The following S100P variants were observed in gnomAD, a reference collection of about 807,000 sequenced individuals.
S100P encodes the protein protein S100-P.
A neutral mutation model predicts 4.7 loss-of-function variants in S100P; 7 were observed. The observed-to-expected ratio is 1.48, with a 90% CI of 0.84 to 2.77. S100P has a LOEUF of 2.77. Ranked by LOEUF, S100P falls within the 30% of genes most tolerant of loss-of-function variation. S100P has a pLI of 0.00. For synonymous variants in S100P, 48 were observed against 49.0 expected (o/e 0.98, Z 0.08); for missense variants, 122 against 120.6 (o/e 1.01, Z -0.06).
At chr4:6,694,821 G>A (rs1405327048) in intron 1 of S100P, among the ~76,000 whole-genome samples, 2 of 151,076 alleles carry the variant, frequency 1.3e-5, no homozygotes, top group Admixed American at 6.6e-5. Flanking sequence ...CCTCCCCTTC[G>A]GGCCCCACCA....
At chr4:6,696,039 T>G (rs3822262) in intron 1 of S100P, among the ~76,000 whole-genome samples, 40,109 of 152,188 alleles carry the variant, frequency 0.26, 5,822 homozygotes, top group East Asian at 0.65. Flanking sequence ...AAGGTCTTCA[T>G]GCACACAGTT....
In S100P at chr4:6,696,879, T is replaced by G. The variant is rs757583212; in HGVS notation, c.139-14T>G. ...GCACCCTCACTGCTGACCTTGAGCCTCTCTCTCCTCTAGAGTGGAAAAGAC... is the reference window on the plus strand; with the variant it reads ...GCACCCTCACTGCTGACCTTGAGCCGCTCTCTCCTCTAGAGTGGAAAAGAC... On this transcript the variant is annotated splice_polypyrimidine_tract_variant and intron_variant, in intron 1 of 1. Transcript: ENST00000296370. 1 of 1,607,972 alleles carries G rather than the reference T, an allele frequency of 6.2e-7. No homozygotes were observed. Among genetic ancestry groups the G allele is most frequent in the South Asian group, 1.1e-5 (1 of 90,506 alleles).
At chr4:6,696,787 G>C (rs970473186) in intron 1 of S100P, 106 bp from the exon 2 acceptor site, 1 of 558,036 alleles carries the variant, frequency 1.8e-6, no homozygotes, top group East Asian at 4.1e-5. Context: ...CAGCAAAGGT[G>C]ACGCAGATGT....
chr4:6,696,757 A>G, intron 1 of S100P, 136 bp from the exon 2 acceptor site: 1 of 406,664 alleles, frequency 2.5e-6, no homozygotes, highest in Non-Finnish European at 4.1e-6. Context: ...TCTGCTATGC[A>G]CAGCTGGCCC....
rs774012381 is a variant in S100P, at chr4:6,694,055, A to G, written c.123A>G (p.Leu41=). The change falls in exon 1 of 2, where the codon CTA becomes CTG. Residue 41 remains leucine (L), a synonymous_variant. Transcript: ENST00000296370. ...TCAAGGTGCTGATGGAGAAGGAGCT[A>G]CCAGGCTTCCTGCAGGTGAGCCAGG... ...GELKVLMEKE[L]PGFLQSGKDK... 3.7e-6 allele frequency: 6 copies of G among 1,611,802 alleles called. No homozygotes were observed. In the Admixed American group the frequency reaches 6.7e-5, roughly 18 times the overall value.
chr4:6,696,874 G>T lies in S100P; in HGVS notation c.139-19G>T, dbSNP rs752879185. The T allele has an allele frequency of 6.2e-7, 1 of 1,607,088 alleles. No individual in the cohort carries two copies. The highest frequency in any genetic ancestry group is 1.1e-5 in the South Asian group (1 of 90,432). On this transcript the variant is annotated intron_variant, in intron 1 of 1. Transcript: ENST00000296370. ...CACAGGCACCCTCACTGCTGACCTT[G>T]AGCCTCTCTCTCCTCTAGAGTGGAA...
intron 1 of S100P, among the ~76,000 whole-genome samples, chr4:6,696,614 G>A (rs1211284035): frequency 6.6e-6 from 1 of 152,218 alleles, no homozygotes; most frequent in African/African-American, 2.4e-5. Flanking sequence ...ACAACCCCCG[G>A]CAAAAACTCA....
At position 6,696,640 on chromosome 4, in the gene S100P, T is replaced by C. The variant is rs34243388; in HGVS notation, c.139-253T>C. Among the ~76,000 whole-genome samples the C allele has an allele frequency of 7.6e-3, 1,151 of 152,372 alleles. 20 individuals are homozygous for C. The highest frequency in any genetic ancestry group is 0.026 in the African/African-American group (1,085 of 41,584). Reference sequence around the variant, plus strand: ...CAAAAACTCAAAATGAAACTCCCTCTCGCAGAGCACAATTCCAATTCGCTC... The same window carrying C: ...CAAAAACTCAAAATGAAACTCCCTCCCGCAGAGCACAATTCCAATTCGCTC... On this transcript the variant is annotated intron_variant, in intron 1 of 1. Transcript: ENST00000296370.
chr4:6,694,705 CAGCCTCCGGCTGGGCTGAACAGA>C (rs1714325239), intron 1 of S100P, among the ~76,000 whole-genome samples: 1 of 152,196 alleles, frequency 6.6e-6, no homozygotes, highest in Non-Finnish European at 1.5e-5. Context: ...CCGCCCGGGG[CAGCCTCCGGCTGGGCTGAACAGA>C]AGCCGTACCC....
chr4:6,694,715 C>A (rs1714325565), intron 1 of S100P, among the ~76,000 whole-genome samples: 1 of 152,154 alleles, frequency 6.6e-6, no homozygotes, highest in African/African-American at 2.4e-5. Flanking sequence ...CAGCCTCCGG[C>A]TGGGCTGAAC....
In S100P at chr4:6,694,067, G is replaced by A. The variant is rs1714307561; in HGVS notation, c.135G>A (p.Leu45=). The A allele has an allele frequency of 1.2e-6, 2 of 1,609,268 alleles. No homozygotes were observed. Among genetic ancestry groups the A allele is most frequent in the African/African-American group, 1.3e-5 (1 of 74,880 alleles). Residue 45 remains leucine, a synonymous_variant, in exon 1 of 2, where the codon CTG becomes CTA. Coordinates refer to ENST00000296370, the MANE Select transcript of S100P (RefSeq NM_005980.3). The part of the protein sequence containing the change: ...VLMEKELPGF[L]QSGKDKDAVD... ...TGGAGAAGGAGCTACCAGGCTTCCT[G>A]CAGGTGAGCCAGGCCGGCAGTGCTG... is the stretch of plus-strand genomic sequence containing the variant.
intron 1 of S100P, among the ~76,000 whole-genome samples, 188 bp downstream of exon 1, chr4:6,694,258 C>T (rs892612582): frequency 3.3e-5 from 5 of 152,170 alleles, no homozygotes; most frequent in Admixed American, 6.5e-5. Context: ...GCAGGGGAGG[C>T]GGGAGCATCT....
chr4:6,695,995 C>G (rs1044523369), intron 1 of S100P, among the ~76,000 whole-genome samples: 3 of 152,242 alleles, frequency 2.0e-5, no homozygotes, highest in African/African-American at 7.2e-5. Context: ...TACTTCCCTG[C>G]CTTACTTTTG....
rs887651542 is a variant in S100P, at chr4:6,693,939, G to A, written c.7G>A (p.Glu3Lys). ...TGGGTCTGAATCTAGCACCATGACG[G>A]AACTAGAGACAGCCATGGGCATGAT... The part of the protein sequence containing the change: MT[E>K]LETAMGMIID... The change falls in exon 1 of 2, where the codon GAA (glutamate) becomes AAA (lysine). Residue 3 changes from glutamate (E) to lysine (K), a missense_variant. Coordinates refer to ENST00000296370, the MANE Select transcript of S100P (RefSeq NM_005980.3). 6.2e-7 allele frequency: 1 copy of A among 1,614,036 alleles called. No homozygotes were observed. The highest frequency in any genetic ancestry group is 1.3e-5 in the African/African-American group (1 of 74,932).
At chr4:6,696,804 C>T in intron 1 of S100P, 89 bp from the exon 2 acceptor site, 2 of 1,333,498 alleles carry the variant, frequency 1.5e-6, no homozygotes, top group Non-Finnish European at 1.0e-6. Context: ...ATGTGGGTGC[C>T]CTGCTCCTGC....
intron 1 of S100P, among the ~76,000 whole-genome samples, chr4:6,696,509 G>C (rs1401911623): frequency 6.6e-6 from 1 of 152,212 alleles, no homozygotes; most frequent in Non-Finnish European, 1.5e-5. Context: ...CGAGATGGGA[G>C]GCCCATGAAG....
At chr4:6,696,861 C>G in intron 1 of S100P, 32 bp from the exon 2 acceptor site, 1 of 1,596,604 alleles carries the variant, frequency 6.3e-7, no homozygotes. Flanking sequence ...CAGGCACCCT[C>G]ACTGCTGACC....
rs757431862 is a variant in S100P at position 6,696,953 on chromosome 4, G to A, written c.199G>A (p.Ala67Thr). 6 of 1,613,962 alleles carry A rather than the reference G, an allele frequency of 3.7e-6. No homozygotes were observed. The highest frequency in any genetic ancestry group is 3.4e-6 in the Non-Finnish European group (4 of 1,179,802). The change falls in exon 2 of 2, where the codon GCC becomes ACC. Residue 67 changes from alanine to threonine, a missense_variant. Transcript: ENST00000296370. ...LLKDLDANGD[A>T]QVDFSEFIVF... is the part of the protein sequence containing the mutation. ...CAAGGACCTGGACGCCAATGGAGAT[G>A]CCCAGGTGGACTTCAGTGAGTTCAT...
At chr4:6,696,701 T>C (rs58147949) in intron 1 of S100P, among the ~76,000 whole-genome samples, 192 bp from the exon 2 acceptor site, 33 of 152,400 alleles carry the variant, frequency 2.2e-4, no homozygotes, top group African/African-American at 6.5e-4. Flanking sequence ...TCATGCCAGA[T>C]AGCTGAAGGC....
Sources: allele counts gnomAD v4.1 joint callset (sites outside exome capture counted in the v4.1 genomes callset), GRCh38; gene constraint gnomAD v4.1.1; transcripts MANE v1.5; gene names NCBI Gene and HGNC (gene_info 2026-07-23, HGNC 2026-07-21).